ADGRV1: variants seen among roughly 807,000 people sequenced by gnomAD.
The protein encoded by ADGRV1 is adhesion G protein-coupled receptor V1.
A neutral mutation model predicts 596.2 loss-of-function variants in ADGRV1; 359 were observed. That is an observed-to-expected ratio of 0.60 (90% CI 0.55 to 0.66). The LOEUF is 0.66. Among genes scored for constraint, ADGRV1 ranks in the 30% least tolerant of loss-of-function variants. The probability of loss-of-function intolerance (pLI) is 0.00; values close to 1 mark genes in which losing one functional copy is unlikely to be tolerated. For synonymous variants in ADGRV1, 2,681 were observed against 2,679.2 expected (o/e 1.00, Z -0.02); for missense variants, 7,274 against 7,575.6 (o/e 0.96, Z 1.48).
chr5:90,866,528 CA>C (rs1768127784), intron 83 of ADGRV1, among the ~76,000 whole-genome samples: 1 of 151,948 alleles, frequency 6.6e-6, no homozygotes, highest in Non-Finnish European at 1.5e-5. Flanking sequence ...TCTCTTTAGC[CA>C]TGATGGCGTT....
chr5:90,566,609 T>A (rs554353930), intron 1 of ADGRV1, among the ~76,000 whole-genome samples: 1 of 152,250 alleles, frequency 6.6e-6, no homozygotes, highest in Admixed American at 6.5e-5. Context: ...ATGCAATTAT[T>A]TTCTTAATTT....
At chr5:90,928,214 T>G (rs1366174246) in intron 83 of ADGRV1, among the ~76,000 whole-genome samples, 1 of 152,142 alleles carries the variant, frequency 6.6e-6, no homozygotes, top group Non-Finnish European at 1.5e-5. Flanking sequence ...CTGGATAATA[T>G]CCTGCAGAGT....
chr5:90,726,561 G>A (rs1033405119), intron 48 of ADGRV1, among the ~76,000 whole-genome samples: 14 of 152,056 alleles, frequency 9.2e-5, no homozygotes, highest in African/African-American at 3.1e-4. Flanking sequence ...CATTCCACCA[G>A]CATGTGACAG....
intron 70 of ADGRV1, among the ~76,000 whole-genome samples, chr5:90,797,123 A>G (rs1037622905): frequency 5.3e-5 from 8 of 152,116 alleles, no homozygotes; most frequent in Non-Finnish European, 8.8e-5. Flanking sequence ...ACATAACAAT[A>G]TTAACATTAA....
At chr5:90,837,615 C>T (rs1006081027) in intron 77 of ADGRV1, among the ~76,000 whole-genome samples, 7 of 152,104 alleles carry the variant, frequency 4.6e-5, no homozygotes, top group Non-Finnish European at 8.8e-5. Flanking sequence ...AGTGATCCAC[C>T]TGCCTTGGCC....
Position 90,810,236 on chromosome 5 carries a change from A to G in ADGRV1, c.14976A>G (p.Ser4992=). Reference sequence around the variant, plus strand: ...CATGATTTAATTTTTTTCCCAGATCAGGTTTCATTGTTGCTGAAATTGAAC... The same window carrying G: ...CATGATTTAATTTTTTTCCCAGATCGGGTTTCATTGTTGCTGAAATTGAAC... ...SSAPGGAQLR[S]GFIVAEIEPM... is the part of the protein sequence containing the mutation. Residue 4992 remains serine (S), a synonymous_variant, in exon 74 of 90, where the codon TCA becomes TCG. Coordinates refer to ENST00000405460, the MANE Select transcript of ADGRV1 (RefSeq NM_032119.4). The G allele has an allele frequency of 1.3e-6, 2 of 1,549,664 alleles. No homozygotes were observed.
chr5:90,847,265 TC>T (rs1289647373), intron 78 of ADGRV1, among the ~76,000 whole-genome samples: 2 of 139,356 alleles, frequency 1.4e-5, no homozygotes, highest in African/African-American at 5.5e-5. Context: ...GATCTCCAAG[TC>T]CCCACCAGAT....
At chr5:90,888,314 A>C (rs1043877816) in intron 83 of ADGRV1, among the ~76,000 whole-genome samples, 1 of 152,118 alleles carries the variant, frequency 6.6e-6, no homozygotes, top group African/African-American at 2.4e-5. Flanking sequence ...ATTTATGTAG[A>C]TTTCTGCCTC....
chr5:90,828,853 T>A, intron 76 of ADGRV1, 91 bp from the exon 77 acceptor site: 3 of 713,908 alleles, frequency 4.2e-6, no homozygotes, highest in Non-Finnish European at 4.0e-6. Flanking sequence ...TAAAAATGTA[T>A]ATGAATTATA....
At chr5:90,871,970 A>G (rs1386701690) in intron 83 of ADGRV1, among the ~76,000 whole-genome samples, 1 of 152,176 alleles carries the variant, frequency 6.6e-6, no homozygotes, top group East Asian at 1.9e-4. Context: ...GAGGAAGGAG[A>G]TTTCAGAAGA....
intron 83 of ADGRV1, among the ~76,000 whole-genome samples, chr5:90,864,545 G>C (rs1180235941): frequency 6.6e-6 from 1 of 152,028 alleles, no homozygotes; most frequent in Non-Finnish European, 1.5e-5. Flanking sequence ...ATAGATGAAG[G>C]CTTAATTCAT....
chr5:90,993,219 C>T (rs1327052692), intron 85 of ADGRV1, among the ~76,000 whole-genome samples: 2 of 137,072 alleles, frequency 1.5e-5, no homozygotes, highest in Non-Finnish European at 3.0e-5. Flanking sequence ...AGTGCAGTGG[C>T]GTGATCCTGG....
chr5:91,075,162 T>C (rs1788739484), intron 86 of ADGRV1, among the ~76,000 whole-genome samples: 1 of 152,106 alleles, frequency 6.6e-6, no homozygotes, highest in Non-Finnish European at 1.5e-5. Context: ...ATAATTTCTT[T>C]TGCTGTGCAG....
At chr5:90,569,206 T>C (rs1355365299) in intron 1 of ADGRV1, among the ~76,000 whole-genome samples, 1 of 151,616 alleles carries the variant, frequency 6.6e-6, no homozygotes, top group Non-Finnish European at 1.5e-5. Flanking sequence ...GGGCAAAGCC[T>C]TCATAATGTA....
In ADGRV1 at chr5:90,690,898, G is replaced by T. The variant is rs376020392; in HGVS notation, c.6808G>T (p.Val2270Phe). 2.4e-5 allele frequency: 39 copies of T among 1,613,626 alleles called. No individual in the cohort carries two copies. The highest frequency in any genetic ancestry group is 3.3e-5 in the Admixed American group (2 of 59,950). The part of the protein sequence containing the change: ...RNSGTLGNVT[V>F]QWVATINGQL... ...TTCTGGGACACTCGGCAATGTTACTGTTCAGTGGGTTGCCACCATTAATGG... is the reference window on the plus strand; with the variant it reads ...TTCTGGGACACTCGGCAATGTTACTTTTCAGTGGGTTGCCACCATTAATGG... Residue 2270 changes from valine to phenylalanine, a missense_variant, in exon 31 of 90, where the codon GTT (valine) becomes TTT (phenylalanine). By Grantham distance (50) the Val-to-Phe change is conservative (BLOSUM62 -1). Coordinates refer to ENST00000405460, the MANE Select transcript of ADGRV1 (RefSeq NM_032119.4).
intron 84 of ADGRV1, among the ~76,000 whole-genome samples, chr5:90,967,701 G>A (rs1487067677): frequency 2.2e-5 from 3 of 136,494 alleles, no homozygotes; most frequent in Non-Finnish European, 5.2e-5. Flanking sequence ...AGAGCTGCCT[G>A]CATTAAGATT....
chr5:90,679,180 A>T (rs1580708387), intron 25 of ADGRV1, among the ~76,000 whole-genome samples: 1 of 152,180 alleles, frequency 6.6e-6, no homozygotes, highest in African/African-American at 2.4e-5. Flanking sequence ...TCACAGGCAT[A>T]TTAGGCCTAA....
At chr5:90,759,365 TC>T in intron 57 of ADGRV1, 43 bp from the exon 58 acceptor site, 1 of 1,338,806 alleles carries the variant, frequency 7.5e-7, no homozygotes, top group South Asian at 1.3e-5. Flanking sequence ...TCTTCCTCCT[TC>T]TTTTCCTCCC....
At chr5:90,558,974 T>G in intron 1 of ADGRV1, 57 bp downstream of exon 1, 1 of 1,476,820 alleles carries the variant, frequency 6.8e-7, no homozygotes, top group South Asian at 1.2e-5. Flanking sequence ...GGGGAGCGCC[T>G]CAGCATCAGC....
Sources: allele counts gnomAD v4.1 joint callset (sites outside exome capture counted in the v4.1 genomes callset), GRCh38; gene constraint gnomAD v4.1.1; transcripts MANE v1.5; gene names NCBI Gene and HGNC (gene_info 2026-07-23, HGNC 2026-07-21).